The following COL4A2 variants were observed in gnomAD, a reference collection of about 807,000 sequenced individuals.
The protein encoded by COL4A2 is collagen alpha-2(IV) chain.
COL4A2 carries 99 observed loss-of-function variants against 200.2 expected under a neutral mutation model. The observed-to-expected ratio is 0.49, with a 90% CI of 0.42 to 0.58. The LOEUF (loss-of-function observed/expected upper bound fraction) is 0.58. Ranked by LOEUF, COL4A2 falls within the 20% of genes least tolerant of loss-of-function variation. The pLI, the probability that COL4A2 is intolerant of heterozygous loss-of-function variation, is 0.00. For synonymous variants in COL4A2, 897 were observed against 900.6 expected (o/e 1.00, Z 0.07); for missense variants, 1,950 against 2,314.1 (o/e 0.84, Z 3.23).
At position 110,493,294 on chromosome 13, in the gene COL4A2, C is replaced by T. The variant is rs148069014; in HGVS notation, c.3634+12C>T. ...TCCAGGATCCCCAGGTACTCTGTGC[C>T]GTCCCAGCCCCGAGTCCCACGCAGA... On this transcript the variant is annotated intron_variant, in intron 39 of 47. Transcript: ENST00000360467. 1,686 of 1,613,904 alleles carry T rather than the reference C, an allele frequency of 1.0e-3. 9 individuals carry two copies. In the Admixed American group the frequency reaches 0.014, roughly 13 times the overall value.
At chr13:110,362,857 T>G (rs981071567) in intron 4 of COL4A2, among the ~76,000 whole-genome samples, 1 of 152,236 alleles carries the variant, frequency 6.6e-6, no homozygotes, top group Non-Finnish European at 1.5e-5. Flanking sequence ...GGTGAAAGTC[T>G]TGGATTTTTC....
chr13:110,457,137 G>A lies in COL4A2; in HGVS notation c.1340-206G>A, dbSNP rs1383499076. 1.9e-5 allele frequency: 7 copies of A among 359,818 alleles called. 1 individual carries two copies. Among genetic ancestry groups the A allele is most frequent in the East Asian group, 1.3e-4 (3 of 23,918 alleles). 22.3% of individuals were successfully genotyped at this position (359,818 alleles called of 1,614,324 possible). On this transcript the variant is annotated intron_variant, in intron 20 of 47. Transcript: ENST00000360467. ...GCATCTGCGTGGGACCCCAGGCGTCGTGGGGCTGATGCCGTGCGTCTGCGT... is the reference window on the plus strand; with the variant it reads ...GCATCTGCGTGGGACCCCAGGCGTCATGGGGCTGATGCCGTGCGTCTGCGT...
intron 3 of COL4A2, among the ~76,000 whole-genome samples, chr13:110,329,430 G>A (rs1241903502): frequency 6.6e-6 from 1 of 151,312 alleles, no homozygotes; most frequent in Admixed American, 6.6e-5. Flanking sequence ...AGGGGAAGGC[G>A]TCTAGTGGTC....
At chr13:110,399,178 C>G (rs1395614962) in intron 4 of COL4A2, among the ~76,000 whole-genome samples, 2 of 152,292 alleles carry the variant, frequency 1.3e-5, no homozygotes, top group African/African-American at 4.8e-5. Context: ...ACATTTTTCC[C>G]TCACTAGCTA....
chr13:110,359,669 C>T (rs566467480), intron 4 of COL4A2, among the ~76,000 whole-genome samples: 122 of 152,302 alleles, frequency 8.0e-4, no homozygotes, highest in African/African-American at 2.8e-3. Context: ...TGGAGCTTGG[C>T]CTCCAGGGCT....
chr13:110,503,855 G>A lies in COL4A2; in HGVS notation c.4147G>A (p.Gly1383Arg), dbSNP rs797044947. The A allele has an allele frequency of 1.2e-6, 2 of 1,613,796 alleles. No individual in the cohort carries two copies. Among genetic ancestry groups the A allele is most frequent in the African/African-American group, 1.3e-5 (1 of 74,906 alleles). Reference protein sequence around the residue: ...KGDPGFPGAPGTVGAPGIAGI... With the variant: ...KGDPGFPGAPRTVGAPGIAGI... The stretch of plus-strand genomic sequence containing the variant: ...CTCTGTTTCCCTTCCAGGTGCCCCC[G>A]GGACTGTGGGAGCCCCCGGGATTGC... Residue 1383 changes from glycine to arginine, a missense_variant, in exon 44 of 48, where the codon GGG becomes AGG. Coordinates refer to ENST00000360467, the MANE Select transcript of COL4A2 (RefSeq NM_001846.4).
At chr13:110,488,624 C>T (rs970897446) in intron 34 of COL4A2, among the ~76,000 whole-genome samples, 29 of 152,214 alleles carry the variant, frequency 1.9e-4, no homozygotes, top group African/African-American at 6.8e-4. Flanking sequence ...AGTCTGGCTG[C>T]CCAAACTGAA....
At chr13:110,354,290 G>A (rs1012191335) in intron 3 of COL4A2, among the ~76,000 whole-genome samples, 1 of 152,102 alleles carries the variant, frequency 6.6e-6, no homozygotes, top group Non-Finnish European at 1.5e-5. Flanking sequence ...CCTCCCTCAC[G>A]TGTAGTAAAA....
chr13:110,323,677 C>T (rs886744850), intron 3 of COL4A2, among the ~76,000 whole-genome samples: 6 of 152,178 alleles, frequency 3.9e-5, no homozygotes, highest in African/African-American at 2.4e-5. Context: ...TCCTCCTCCA[C>T]ACCAAATCTA....
chr13:110,338,179 T>C (rs1471126444), intron 3 of COL4A2, among the ~76,000 whole-genome samples: 3 of 152,220 alleles, frequency 2.0e-5, no homozygotes. Flanking sequence ...TCACTAGTTG[T>C]TTCTAATAAT....
chr13:110,441,451 T>A (rs551404754), intron 16 of COL4A2, among the ~76,000 whole-genome samples: 30 of 152,180 alleles, frequency 2.0e-4, no homozygotes, highest in South Asian at 8.3e-4. Flanking sequence ...CTGTTCCCAT[T>A]TCTGTTATTT....
intron 4 of COL4A2, among the ~76,000 whole-genome samples, chr13:110,419,007 G>T (rs9555698): frequency 1.3e-5 from 2 of 152,232 alleles, no homozygotes; most frequent in Admixed American, 6.5e-5. Flanking sequence ...GACATTTTAC[G>T]TATTTGAAAT....
chr13:110,437,863 T>C, intron 13 of COL4A2, 139 bp from the exon 14 acceptor site: 2 of 735,682 alleles, frequency 2.7e-6, no homozygotes, highest in Non-Finnish European at 4.7e-6. Flanking sequence ...AATTTAAGAG[T>C]CATGTGTTGT....
chr13:110,407,883 G>C (rs1270875411), intron 4 of COL4A2, among the ~76,000 whole-genome samples: 1 of 152,224 alleles, frequency 6.6e-6, no homozygotes, highest in Non-Finnish European at 1.5e-5. Flanking sequence ...AGAAGGAAAG[G>C]GGGGTTGTTT....
intron 29 of COL4A2, among the ~76,000 whole-genome samples, chr13:110,474,553 T>TGC (rs1012956481): frequency 5.6e-5 from 7 of 125,334 alleles, no homozygotes; most frequent in Non-Finnish European, 1.3e-4. Flanking sequence ...AGTGCATGCA[T>TGC]GCACACACAC....
At chr13:110,446,702 C>T (rs1041794384) in intron 17 of COL4A2, 96 bp from the exon 18 acceptor site, 58 of 1,013,312 alleles carry the variant, frequency 5.7e-5, no homozygotes, top group Admixed American at 7.2e-5. Context: ...GCCAGCCTGA[C>T]GGTCCACGCT....
intron 8 of COL4A2, 170 bp from the exon 9 acceptor site, chr13:110,430,230 AT>A: frequency 2.5e-6 from 2 of 815,796 alleles, no homozygotes; most frequent in East Asian, 6.1e-5. Flanking sequence ...ACTAAAATAT[AT>A]TCTGACTAAA....
intron 4 of COL4A2, among the ~76,000 whole-genome samples, chr13:110,363,125 G>A (rs1341442998): frequency 3.9e-5 from 6 of 152,196 alleles, no homozygotes; most frequent in Admixed American, 3.9e-4. Context: ...CGACAACAGG[G>A]AAAAGAGAAC....
chr13:110,396,727 C>A (rs992469049), intron 4 of COL4A2, among the ~76,000 whole-genome samples: 1 of 147,650 alleles, frequency 6.8e-6, no homozygotes, highest in South Asian at 2.3e-4. Context: ...AATGACTAAG[C>A]GGACCGTTTT....
Sources: gnomAD v4.1 joint callset for allele counts (sites outside exome capture counted in the v4.1 genomes callset) on GRCh38, gnomAD v4.1.1 for gene constraint, MANE v1.5 for transcripts, NCBI Gene and HGNC (gene_info 2026-07-23, HGNC 2026-07-21) for gene names.